Variants in MCM9 observed in about 807,000 individuals in gnomAD.
MCM9 encodes minichromosome maintenance 9 homologous recombination repair factor.
MCM9 carries 55 observed loss-of-function variants against 72.8 expected under a neutral mutation model. The ratio of observed to expected loss-of-function variants is 0.76; its 90% CI spans 0.61 to 0.95. The LOEUF is 0.95. Among genes scored for constraint, MCM9 ranks in the 40% least tolerant of loss-of-function variants. The probability of loss-of-function intolerance (pLI) is 0.00; values close to 1 mark genes in which losing one functional copy is unlikely to be tolerated. For missense variants in MCM9, 1,279 were observed against 1,377.0 expected (o/e 0.93, Z 1.13); for synonymous variants, 480 against 503.4 (o/e 0.95, Z 0.62).
At chr6:118,887,113 T>C (rs1274783210) in intron 8 of MCM9, among the ~76,000 whole-genome samples, 1 of 152,126 alleles carries the variant, frequency 6.6e-6, no homozygotes, top group African/African-American at 2.4e-5. Context: ...CAATCCCAGG[T>C]GGCTTCTTTG....
chr6:118,834,705 T>C, intron 9 of MCM9, among the ~76,000 whole-genome samples: 1 of 152,260 alleles, frequency 6.6e-6, no homozygotes, highest in African/African-American at 2.4e-5. Flanking sequence ...ATGTGGTTTT[T>C]TTTTTTCTTA....
chr6:118,893,971 C>G (rs1779150895), intron 8 of MCM9: 2 of 980,458 alleles, frequency 2.0e-6, no homozygotes, highest in Admixed American at 1.2e-4. Context: ...CTCCGCCCCT[C>G]TCCGCGCCGC....
At chr6:118,894,346 G>A in intron 8 of MCM9, 1 of 1,531,500 alleles carries the variant, frequency 6.5e-7, no homozygotes, top group South Asian at 1.2e-5. Context: ...TCTCCCGAGC[G>A]GCCGCGCGCT....
intron 6 of MCM9, among the ~76,000 whole-genome samples, chr6:118,915,499 T>C (rs1426838040): frequency 6.6e-6 from 1 of 152,144 alleles, no homozygotes. Flanking sequence ...GGTCAAGGAA[T>C]CCCTCAGGTG....
At chr6:118,832,680 T>C (rs151078920) in intron 9 of MCM9, among the ~76,000 whole-genome samples, 6 of 152,318 alleles carry the variant, frequency 3.9e-5, no homozygotes, top group African/African-American at 1.4e-4. Flanking sequence ...GTAGTAACTG[T>C]TCTACTAATA....
At chr6:118,910,339 C>T (rs1401896993) in intron 8 of MCM9, among the ~76,000 whole-genome samples, 1 of 151,898 alleles carries the variant, frequency 6.6e-6, no homozygotes, top group Non-Finnish European at 1.5e-5. Context: ...TTTGGGTAGA[C>T]CAGAAGTAGC....
intron 6 of MCM9, among the ~76,000 whole-genome samples, chr6:118,916,468 TATTATTATG>T (rs1215343983): frequency 6.1e-5 from 8 of 132,054 alleles, no homozygotes; most frequent in Admixed American, 3.7e-4. Context: ...TTATTATTAT[TATTATTATG>T]AGACAGAGTC....
intron 9 of MCM9, among the ~76,000 whole-genome samples, chr6:118,849,920 T>C (rs1210680248): frequency 1.3e-5 from 2 of 151,832 alleles, no homozygotes; most frequent in Non-Finnish European, 2.9e-5. Context: ...CAGAAACCAA[T>C]GAATATCTAT....
At chr6:118,876,774 T>C (rs1777955172) in intron 8 of MCM9, among the ~76,000 whole-genome samples, 1 of 152,108 alleles carries the variant, frequency 6.6e-6, no homozygotes, top group South Asian at 2.1e-4. Context: ...GTACACAGAA[T>C]ATATAAAGAA....
intron 9 of MCM9, among the ~76,000 whole-genome samples, chr6:118,847,517 G>A (rs545006086): frequency 1.3e-5 from 2 of 150,490 alleles, no homozygotes; most frequent in Non-Finnish European, 2.9e-5. Flanking sequence ...GCTAAGGAGA[G>A]GAATAAAAAT....
At chr6:118,927,187 T>G (rs186536432) in intron 3 of MCM9, among the ~76,000 whole-genome samples, 2 of 152,180 alleles carry the variant, frequency 1.3e-5, no homozygotes, top group Non-Finnish European at 2.9e-5. Flanking sequence ...GTCAGTATAT[T>G]AAAACAAGAA....
intron 8 of MCM9, among the ~76,000 whole-genome samples, chr6:118,870,030 CAT>C (rs1777495769): frequency 6.6e-6 from 1 of 152,148 alleles, no homozygotes; most frequent in African/African-American, 2.4e-5. Context: ...TAAAAGGAGA[CAT>C]AGCCTGCAAC....
chr6:118,893,905 T>C lies in MCM9; in HGVS notation c.1150+17745A>G, dbSNP rs375387719. 6.0e-5 allele frequency: 27 copies of C among 453,094 alleles called. No homozygotes were observed. The East Asian group carries it at 1.4e-3, about 23-fold the overall frequency. 28.1% of individuals were successfully genotyped at this position (453,094 alleles called of 1,614,324 possible). A position where few individuals can be genotyped will look rare whatever the true frequency, so the allele number is the denominator to read the frequency against. ...ACGAAGCCAACTGGAGGGGCGGGCG[T>C]CGGCCGGATCGCGCCCTCCCGCCGC... On this transcript the variant is annotated intron_variant, in intron 8 of 13. Transcript: ENST00000619706.
chr6:118,931,331 T>A (rs1782408364), intron 3 of MCM9, 89 bp downstream of exon 3: 1 of 1,009,540 alleles, frequency 9.9e-7, no homozygotes, highest in Non-Finnish European at 1.4e-6. Context: ...AGTATAAATA[T>A]CAATTATTTC....
intron 5 of MCM9, chr6:118,919,683 C>T (rs890015586): frequency 3.3e-5 from 5 of 152,180 alleles, no homozygotes; most frequent in East Asian, 1.9e-4. Flanking sequence ...CTGTATTTTT[C>T]AAAACTAATG....
chr6:118,891,256 G>A (rs977942673), intron 8 of MCM9, among the ~76,000 whole-genome samples: 1 of 152,152 alleles, frequency 6.6e-6, no homozygotes, highest in African/African-American at 2.4e-5. Context: ...TACTGGCATG[G>A]CTAAAGGACC....
chr6:118,841,945 C>T (rs1274913567), intron 9 of MCM9, among the ~76,000 whole-genome samples: 1 of 152,038 alleles, frequency 6.6e-6, no homozygotes, highest in African/African-American at 2.4e-5. Flanking sequence ...AGCGATTCTC[C>T]TGCCTCAGCC....
Position 118,815,482 on chromosome 6 carries a change from A to G in MCM9, c.2774T>C (p.Phe925Ser), listed in dbSNP as rs1773352835. The G allele has an allele frequency of 6.5e-7, 1 of 1,547,798 alleles. No individual in the cohort carries two copies. The highest frequency in any genetic ancestry group is 8.7e-7 in the Non-Finnish European group (1 of 1,146,158). Residue 925 changes from phenylalanine to serine, a missense_variant, in exon 14 of 14, where the codon TTC (phenylalanine) becomes TCC (serine). Physicochemically the swap from Phe to Ser is radical, Grantham distance 155. Coordinates refer to ENST00000619706, the MANE Select transcript of MCM9 (RefSeq NM_017696.3). ...GTGGATCAGTTTTGACTTCTGCTTG[A>G]AAGTAAATTTTGCCAGTTTGGCCAC... ...SPVAKLAKFT[F>S]KQKSKLIHSF...
intron 8 of MCM9, among the ~76,000 whole-genome samples, chr6:118,899,819 T>C (rs992274961): frequency 6.6e-6 from 1 of 152,216 alleles, no homozygotes; most frequent in Non-Finnish European, 1.5e-5. Context: ...ACTCACCCTT[T>C]GGGAGTGCTT....
Sources: allele counts gnomAD v4.1 joint callset (sites outside exome capture counted in the v4.1 genomes callset), GRCh38; gene constraint gnomAD v4.1.1; transcripts MANE v1.5; gene names NCBI Gene and HGNC (gene_info 2026-07-23, HGNC 2026-07-21).